Variants in MDGA2 observed in about 807,000 individuals in gnomAD.
MDGA2 encodes MAM domain-containing glycosylphosphatidylinositol anchor protein 2.
MDGA2 carries 40 observed loss-of-function variants against 117.8 expected under a neutral mutation model. The observed-to-expected ratio is 0.34, with a 90% CI of 0.26 to 0.44. The LOEUF is 0.44. Ranked by LOEUF, MDGA2 falls within the 20% of genes least tolerant of loss-of-function variation. The pLI, the probability that MDGA2 is intolerant of heterozygous loss-of-function variation, is 1.00. For synonymous variants in MDGA2, 452 were observed against 439.0 expected (o/e 1.03, Z -0.37); for missense variants, 1,123 against 1,250.6 (o/e 0.90, Z 1.54).
At chr14:46,930,137 G>C (rs1289001921) in intron 9 of MDGA2, among the ~76,000 whole-genome samples, 1 of 151,770 alleles carries the variant, frequency 6.6e-6, no homozygotes, top group African/African-American at 2.4e-5. Context: ...AAAAGATTGA[G>C]AAGTTCAATA....
At chr14:47,615,003 T>C (rs1896923479) in intron 1 of MDGA2, among the ~76,000 whole-genome samples, 1 of 152,190 alleles carries the variant, frequency 6.6e-6, no homozygotes, top group South Asian at 2.1e-4. Flanking sequence ...CTATAATTGG[T>C]GGGCTTAGTA....
At chr14:46,963,993 A>G (rs900866504) in intron 8 of MDGA2, among the ~76,000 whole-genome samples, 3 of 152,174 alleles carry the variant, frequency 2.0e-5, no homozygotes, top group African/African-American at 7.2e-5. Context: ...CTCTGTGATT[A>G]TTTTCACTAT....
At chr14:47,594,193 G>T (rs1896494522) in intron 1 of MDGA2, among the ~76,000 whole-genome samples, 1 of 152,112 alleles carries the variant, frequency 6.6e-6, no homozygotes, top group Admixed American at 6.6e-5. Flanking sequence ...TCCCTTTAAA[G>T]AATTTCTGAT....
intron 3 of MDGA2, among the ~76,000 whole-genome samples, chr14:47,156,032 T>C (rs10133068): frequency 0.86 from 128,777 of 150,282 alleles, 55,305 homozygotes; most frequent in East Asian, 0.97. Flanking sequence ...CCTCAGCCGC[T>C]GGCGTAGCTG....
chr14:46,874,034 T>G lies in MDGA2; in HGVS notation c.2593+11A>C. ...TGATTGCTATGAACACAAAAGGTCATACCCCCATACCTTCTTTGGAGCCAC... is the reference window on the plus strand; with the variant it reads ...TGATTGCTATGAACACAAAAGGTCAGACCCCCATACCTTCTTTGGAGCCAC... On this transcript the variant is annotated intron_variant, in intron 13 of 16. Coordinates refer to ENST00000399232, the MANE Select transcript of MDGA2 (RefSeq NM_001113498.3). The G allele has an allele frequency of 6.5e-7, 1 of 1,528,876 alleles. No individual in the cohort carries two copies. Among genetic ancestry groups the G allele is most frequent in the Non-Finnish European group, 8.7e-7 (1 of 1,147,338 alleles). 94.7% of individuals were successfully genotyped at this position (1,528,876 alleles called of 1,614,324 possible).
chr14:46,859,498 T>C (rs1164893268), intron 14 of MDGA2, among the ~76,000 whole-genome samples: 1 of 152,134 alleles, frequency 6.6e-6, no homozygotes, highest in Non-Finnish European at 1.5e-5. Flanking sequence ...CTAATCTTTG[T>C]TTTCTGACTG....
chr14:47,500,820 A>G (rs1194595606), intron 1 of MDGA2, among the ~76,000 whole-genome samples: 1 of 152,162 alleles, frequency 6.6e-6, no homozygotes, highest in African/African-American at 2.4e-5. Context: ...TAAAAAAAGA[A>G]AAAATATCAA....
chr14:47,480,873 G>A (rs1327081101), intron 1 of MDGA2, among the ~76,000 whole-genome samples: 2 of 151,804 alleles, frequency 1.3e-5, no homozygotes, highest in South Asian at 4.1e-4. Context: ...ATGATTATAT[G>A]ATTCATTTTT....
At chr14:46,978,229 T>C (rs1195491901) in intron 8 of MDGA2, among the ~76,000 whole-genome samples, 1 of 151,998 alleles carries the variant, frequency 6.6e-6, no homozygotes, top group African/African-American at 2.4e-5. Context: ...TACTCTTTTG[T>C]CTATTATAAC....
chr14:47,364,325 C>T (rs569475945), intron 1 of MDGA2, among the ~76,000 whole-genome samples: 4 of 152,286 alleles, frequency 2.6e-5, no homozygotes, highest in South Asian at 2.1e-4. Context: ...AGTGCAGGGA[C>T]GCCATCTCTG....
intron 3 of MDGA2, among the ~76,000 whole-genome samples, chr14:47,155,299 G>A (rs1883322641): frequency 6.6e-6 from 1 of 152,036 alleles, no homozygotes; most frequent in African/African-American, 2.4e-5. Context: ...AGGATTGAAA[G>A]AGCTATAACA....
At chr14:47,259,803 C>G (rs1398344859) in intron 2 of MDGA2, among the ~76,000 whole-genome samples, 1 of 151,966 alleles carries the variant, frequency 6.6e-6, no homozygotes, top group Non-Finnish European at 1.5e-5. Context: ...AGAGAGGGAC[C>G]CAGGGGCTGA....
At chr14:47,153,189 G>C (rs1382611291) in intron 3 of MDGA2, among the ~76,000 whole-genome samples, 1 of 152,182 alleles carries the variant, frequency 6.6e-6, no homozygotes, top group African/African-American at 2.4e-5. Flanking sequence ...TTCTGGAGAA[G>C]AGATTTGGGG....
At chr14:47,010,492 T>C (rs1223630360) in intron 8 of MDGA2, among the ~76,000 whole-genome samples, 1 of 152,102 alleles carries the variant, frequency 6.6e-6, no homozygotes, top group East Asian at 1.9e-4. Context: ...AGTAATCATT[T>C]TTTTCTTTAA....
Position 47,148,177 on chromosome 14 carries a change from T to C in MDGA2, c.596-3903A>G, listed in dbSNP as rs182971608. Among the ~76,000 whole-genome samples, 926 of 152,282 alleles carry C rather than the reference T, an allele frequency of 6.1e-3. 6 individuals are homozygous for C. Among genetic ancestry groups the C allele is most frequent in the Non-Finnish European group, 0.011 (717 of 68,032 alleles). On this transcript the variant is annotated intron_variant, in intron 3 of 16. Transcript: ENST00000399232. ...GCCTAAAGTTACTGAGTTGATGCTATGGCTTAAAGATTAATGGGACTCTTG... is the reference window on the plus strand; with the variant it reads ...GCCTAAAGTTACTGAGTTGATGCTACGGCTTAAAGATTAATGGGACTCTTG...
intron 1 of MDGA2, among the ~76,000 whole-genome samples, chr14:47,636,071 G>C (rs1284670059): frequency 6.6e-6 from 1 of 152,058 alleles, no homozygotes; most frequent in Non-Finnish European, 1.5e-5. Flanking sequence ...TTTTCAAAAA[G>C]CTACTTAGGG....
At chr14:47,152,370 C>T (rs1883195432) in intron 3 of MDGA2, among the ~76,000 whole-genome samples, 1 of 152,120 alleles carries the variant, frequency 6.6e-6, no homozygotes. Context: ...AAATAATCAA[C>T]TAATGAATGC....
intron 9 of MDGA2, among the ~76,000 whole-genome samples, chr14:46,932,178 TTAGCATAAAGAACGA>T (rs575898148): frequency 1.3e-5 from 2 of 152,024 alleles, no homozygotes; most frequent in African/African-American, 2.4e-5. Flanking sequence ...TTAATATGTG[TTAGCATAAAGAACGA>T]TAGCATAAAG....
At position 47,403,345 on chromosome 14, in the gene MDGA2, A is replaced by T. The variant is rs182763333; in HGVS notation, c.281-101795T>A. On this transcript the variant is annotated intron_variant, in intron 1 of 16. Transcript: ENST00000399232. ...TGCCATTCTGGAATCTGGAAATAAG[A>T]TTTTTTTCCTCTTGTCCATTCCTTA... 3.9e-3 allele frequency among the ~76,000 whole-genome samples: 589 copies of T among 152,154 alleles called. 7 individuals are homozygous for T. The highest frequency in any genetic ancestry group is 0.013 in the African/African-American group (560 of 41,504).
Sources: gnomAD v4.1 joint callset for allele counts (sites outside exome capture counted in the v4.1 genomes callset) on GRCh38, gnomAD v4.1.1 for gene constraint, MANE v1.5 for transcripts, NCBI Gene and HGNC (gene_info 2026-07-23, HGNC 2026-07-21) for gene names.